The following MPP3 variants were observed in gnomAD, a reference collection of about 807,000 sequenced individuals.
MPP3 encodes the protein MAGUK p55 scaffold protein 3, also known as MAGUK p55 subfamily member 3.
MPP3 carries 48 observed loss-of-function variants against 80.7 expected under a neutral mutation model. The observed-to-expected ratio is 0.59, with a 90% CI of 0.47 to 0.76. MPP3 has a LOEUF of 0.76. MPP3 is among the 30% of genes least tolerant of loss of function. The pLI is 0.00. For missense variants in MPP3, 620 were observed against 763.0 expected, an observed-to-expected ratio of 0.81 and a Z score of 2.21; for synonymous variants, 311 against 297.6, an observed-to-expected ratio of 1.04 and a Z score of -0.46.
rs1444779374 is a variant in MPP3, at chr17:43,831,228, G to A, written c.222+16C>T. On this transcript the variant is annotated intron_variant, in intron 5 of 19. Coordinates refer to ENST00000398389, the MANE Select transcript of MPP3 (RefSeq NM_001932.6). Reference sequence around the variant, plus strand: ...GGGAGTGGGGCAGACACTGTAAGGAGAAACCTGGGGCTTACGTCCTCAGCG... The same window carrying A: ...GGGAGTGGGGCAGACACTGTAAGGAAAAACCTGGGGCTTACGTCCTCAGCG... 5.6e-6 allele frequency: 9 copies of A among 1,613,774 alleles called. No individual in the cohort carries two copies. Among genetic ancestry groups the A allele is most frequent in the Non-Finnish European group, 7.6e-6 (9 of 1,179,836 alleles).
Position 43,806,412 on chromosome 17 carries a change from C to G in MPP3, c.1581+2544G>C, listed in dbSNP as rs538844035. Among the ~76,000 whole-genome samples, 4 of 152,180 alleles carry G rather than the reference C, an allele frequency of 2.6e-5. No homozygotes were observed. In the East Asian group the frequency reaches 7.8e-4, roughly 30 times the overall value. ...AACTCCTGACCTCTGATGATCCACCCACCTCAGCCTCCCAAAGTGCTGGGA... is the reference window on the plus strand; with the variant it reads ...AACTCCTGACCTCTGATGATCCACCGACCTCAGCCTCCCAAAGTGCTGGGA... On this transcript the variant is annotated intron_variant, in intron 19 of 19. Coordinates refer to ENST00000398389, the MANE Select transcript of MPP3 (RefSeq NM_001932.6).
chr17:43,819,919 T>G (rs2045337235), intron 11 of MPP3, among the ~76,000 whole-genome samples: 1 of 152,114 alleles, frequency 6.6e-6, no homozygotes. Flanking sequence ...ATAGTCCTCC[T>G]CTTCAGTTTT....
intron 4 of MPP3, 97 bp downstream of exon 4, chr17:43,831,462 C>T: frequency 7.6e-7 from 1 of 1,319,110 alleles, no homozygotes; most frequent in Non-Finnish European, 1.1e-6. Context: ...TGAAGGCCTT[C>T]CTGGGGCAGG....
rs749686865 is a variant in MPP3 at position 43,817,444 on chromosome 17, C to T, written c.946+602G>A. Among the ~76,000 whole-genome samples the T allele has an allele frequency of 2.3e-4, 35 of 152,316 alleles. No homozygotes were observed. In the South Asian group the frequency reaches 4.4e-3, roughly 19 times the overall value. On this transcript the variant is annotated intron_variant, in intron 12 of 19. Coordinates refer to ENST00000398389, the MANE Select transcript of MPP3 (RefSeq NM_001932.6). Reference sequence around the variant, plus strand: ...TGCCAGATAAAATGCAGGACACCCACTTAAACTTGAATTTCAAATAAACAA... The same window carrying T: ...TGCCAGATAAAATGCAGGACACCCATTTAAACTTGAATTTCAAATAAACAA...
chr17:43,811,287 TG>T, intron 16 of MPP3, 82 bp from the exon 17 acceptor site: 1 of 1,073,682 alleles, frequency 9.3e-7, no homozygotes, highest in Non-Finnish European at 1.4e-6. Flanking sequence ...GGCACTCATT[TG>T]GGAGTTCACT....
chr17:43,827,928 T>TG, intron 7 of MPP3, 96 bp from the exon 8 acceptor site: 1 of 1,149,768 alleles, frequency 8.7e-7, no homozygotes. Flanking sequence ...AGTCCCTCCC[T>TG]CTGACAGTCC....
intron 10 of MPP3, among the ~76,000 whole-genome samples, 188 bp downstream of exon 10, chr17:43,823,743 G>A (rs1303212286): frequency 2.0e-5 from 3 of 152,132 alleles, no homozygotes; most frequent in Non-Finnish European, 4.4e-5. Context: ...TTAGAAAGAG[G>A]CAGGATACAA....
At chr17:43,831,978 C>A in intron 2 of MPP3, 35 bp from the exon 3 acceptor site, 1 of 1,367,200 alleles carries the variant, frequency 7.3e-7, no homozygotes, top group Non-Finnish European at 1.0e-6. Flanking sequence ...TATTGAAGCT[C>A]CATCAAGCAT....
chr17:43,822,034 G>A (rs1488623283), intron 10 of MPP3, among the ~76,000 whole-genome samples: 1 of 152,172 alleles, frequency 6.6e-6, no homozygotes, highest in Non-Finnish European at 1.5e-5. Flanking sequence ...GACAGGCTGG[G>A]GGACAGGCTA....
chr17:43,807,443 G>A (rs1053451750), intron 19 of MPP3, among the ~76,000 whole-genome samples: 4 of 150,696 alleles, frequency 2.7e-5, no homozygotes, highest in Admixed American at 6.6e-5. Context: ...TCAGTCTCCC[G>A]AGTAGCTAGG....
At chr17:43,817,836 A>T in intron 12 of MPP3, 3 of 395,380 alleles carry the variant, frequency 7.6e-6, no homozygotes, top group South Asian at 3.3e-5. Context: ...CCCCAGCATC[A>T]TCTATGGACT....
chr17:43,823,822 G>C (rs2045571013), intron 10 of MPP3, 109 bp downstream of exon 10: 1 of 751,462 alleles, frequency 1.3e-6, no homozygotes, highest in Admixed American at 2.6e-5. Flanking sequence ...TCAGATCTAT[G>C]ATCTGTTCGC....
At chr17:43,827,936 T>G (rs1404833099) in intron 7 of MPP3, 104 bp from the exon 8 acceptor site, 2 of 1,044,016 alleles carry the variant, frequency 1.9e-6, no homozygotes, top group Non-Finnish European at 2.9e-6. Flanking sequence ...CCTCTGACAG[T>G]CCAGAGAGAT....
chr17:43,811,409 G>A (rs936978279), intron 16 of MPP3: 40 of 568,758 alleles, frequency 7.0e-5, no homozygotes, highest in Non-Finnish European at 1.2e-4. Context: ...TTTGATGTAG[G>A]CAAAAGGAGG....
Position 43,825,742 on chromosome 17 carries a change from C to A in MPP3, c.609+14G>T, listed in dbSNP as rs2045663880. 1.3e-6 allele frequency: 2 copies of A among 1,581,188 alleles called. No homozygotes were observed. The highest frequency in any genetic ancestry group is 1.3e-5 in the African/African-American group (1 of 74,292). On this transcript the variant is annotated intron_variant, in intron 9 of 19. Transcript: ENST00000398389. ...GAAGACCCAGCACATCCCTAGCAGG[C>A]TTGTAGCACGGACCAGAATCTGGCT...
chr17:43,815,315 G>C (rs894848468), intron 14 of MPP3, among the ~76,000 whole-genome samples: 4 of 152,138 alleles, frequency 2.6e-5, no homozygotes, highest in Non-Finnish European at 4.4e-5. Context: ...GTGGGTAACA[G>C]AGCAAGACCA....
At chr17:43,823,883 T>G in intron 10 of MPP3, 48 bp downstream of exon 10, 1 of 1,363,618 alleles carries the variant, frequency 7.3e-7, no homozygotes, top group Non-Finnish European at 1.0e-6. Flanking sequence ...GCCAGCGAGC[T>G]GCATCTCTCA....
At chr17:43,817,173 G>A (rs1290081626) in intron 12 of MPP3, among the ~76,000 whole-genome samples, 1 of 152,176 alleles carries the variant, frequency 6.6e-6, no homozygotes, top group African/African-American at 2.4e-5. Flanking sequence ...CCGCTCACTC[G>A]GTTACAAGTC....
intron 16 of MPP3, 66 bp downstream of exon 16, chr17:43,813,945 G>T: frequency 2.3e-6 from 3 of 1,322,626 alleles, no homozygotes; most frequent in Non-Finnish European, 3.2e-6. Context: ...GATCTGGGGA[G>T]TTAAGTCTCC....
Sources: allele counts gnomAD v4.1 joint callset (sites outside exome capture counted in the v4.1 genomes callset), GRCh38; gene constraint gnomAD v4.1.1; transcripts MANE v1.5; gene names NCBI Gene and HGNC (gene_info 2026-07-23, HGNC 2026-07-21).